The following ACAN variants were observed in gnomAD, a reference collection of about 807,000 sequenced individuals.
The protein encoded by ACAN is aggrecan core protein.
ACAN carries 47 observed loss-of-function variants against 169.1 expected under a neutral mutation model. The observed-to-expected ratio is 0.28, with a 90% confidence interval of 0.22 to 0.35. ACAN has a LOEUF of 0.35. Among genes scored for constraint, ACAN ranks in the 10% least tolerant of loss-of-function variants. The pLI is 1.00. For missense variants in ACAN, 2,716 were observed against 2,759.9 expected (o/e 0.98, Z 0.36); for synonymous variants, 1,115 against 1,112.2 (o/e 1.00, Z -0.05).
intron 5 of ACAN, among the ~76,000 whole-genome samples, chr15:88,842,309 C>T (rs1029034076): frequency 6.6e-6 from 1 of 152,172 alleles, no homozygotes; most frequent in Non-Finnish European, 1.5e-5. Flanking sequence ...TCCCAGAGTC[C>T]CTGTGGGCAG....
In ACAN at chr15:88,869,760, G is replaced by C. The variant is rs1351417742; in HGVS notation, c.7060+1431G>C. Among the ~76,000 whole-genome samples, 1 of 152,106 alleles carries C rather than the reference G, an allele frequency of 6.6e-6. No individual in the cohort carries two copies. Among genetic ancestry groups the C allele is most frequent in the Non-Finnish European group, 1.5e-5 (1 of 68,008 alleles). On this transcript the variant is annotated intron_variant, in intron 14 of 18. Coordinates refer to ENST00000560601, the MANE Select transcript of ACAN (RefSeq NM_001369268.1). This position sits in a 1 kb window ranked among gnomAD's most constrained non-coding sequence, Gnocchi z 4.2. ...GGGCCTGGGGGCCCAGCTAAGCAGG[G>C]CTGCATCTCCTCTCCCATTCCAATC... is the stretch of plus-strand genomic sequence containing the variant.
rs181541436 is a variant in ACAN, at chr15:88,858,445, G to T, written c.5860G>T (p.Ala1954Ser). The T allele has an allele frequency of 6.2e-7, 1 of 1,613,676 alleles. No individual in the cohort carries two copies. The highest frequency in any genetic ancestry group is 8.5e-7 in the Non-Finnish European group (1 of 1,179,894). ...SVTQAPTAQE[A>S]GEGPSGILEL... ...AACCCAGGCTCCAACAGCCCAAGAG[G>T]CAGGAGAAGGGCCTTCTGGCATTTT... Residue 1954 changes from alanine (A) to serine (S), a missense_variant, in exon 12 of 19, where the codon GCA (alanine) becomes TCA (serine). Physicochemically the swap from Ala to Ser is moderately conservative, Grantham distance 99. This residue lies in a region of ACAN where 1,389 missense variants were observed against 1,363.7 expected (regional missense o/e 1.02). Coordinates refer to ENST00000560601, the MANE Select transcript of ACAN (RefSeq NM_001369268.1). This position sits in a 1 kb window ranked among gnomAD's most constrained non-coding sequence, Gnocchi z 4.0.
At chr15:88,854,414 G>C (rs1336552798) in intron 11 of ACAN, among the ~76,000 whole-genome samples, 1 of 152,218 alleles carries the variant, frequency 6.6e-6, no homozygotes, top group African/African-American at 2.4e-5. Flanking sequence ...TCCAAGCTTT[G>C]AAAACCATGG....
At chr15:88,816,513 A>C (rs1470971673) in intron 1 of ACAN, among the ~76,000 whole-genome samples, 1 of 152,210 alleles carries the variant, frequency 6.6e-6, no homozygotes, top group Non-Finnish European at 1.5e-5. Context: ...CTTCACACTG[A>C]AGCAGCAGAA....
rs1159480740 is a variant in ACAN, at chr15:88,870,796, G to T, written c.7061-586G>T. ...GACCCCTGCAAGAGGCAGGCACAGT[G>T]TGCTTAACTAAAGCCAACTCTGATC... On this transcript the variant is annotated intron_variant, in intron 14 of 18. Coordinates refer to ENST00000560601, the MANE Select transcript of ACAN (RefSeq NM_001369268.1). This position sits in a 1 kb window ranked among gnomAD's most constrained non-coding sequence, Gnocchi z 6.3. 6.6e-6 allele frequency among the ~76,000 whole-genome samples: 1 copy of T among 152,236 alleles called. No individual in the cohort carries two copies. Among genetic ancestry groups the T allele is most frequent in the South Asian group, 2.1e-4 (1 of 4,822 alleles).
intron 5 of ACAN, 50 bp downstream of exon 5, chr15:88,841,917 C>G (rs762291493): frequency 1.9e-6 from 3 of 1,609,332 alleles, no homozygotes; most frequent in Non-Finnish European, 2.5e-6. Flanking sequence ...CCCAAGGCCA[C>G]CTTCCCCTCC....
intron 13 of ACAN, among the ~76,000 whole-genome samples, chr15:88,867,561 A>G (rs1322682028): frequency 6.6e-6 from 1 of 152,208 alleles, no homozygotes; most frequent in Non-Finnish European, 1.5e-5. Flanking sequence ...AGAAAGATTC[A>G]GGCTTCATTT....
chr15:88,826,471 G>A (rs760836232), intron 1 of ACAN, among the ~76,000 whole-genome samples: 3 of 59,820 alleles, frequency 5.0e-5, no homozygotes, highest in Non-Finnish European at 9.4e-5. Flanking sequence ...CTTTGCAGGG[G>A]ACCCCTGGAG....
intron 1 of ACAN, among the ~76,000 whole-genome samples, chr15:88,810,351 TG>T (rs1452245466): frequency 3.3e-5 from 5 of 151,328 alleles, no homozygotes; most frequent in Admixed American, 2.6e-4. Context: ...GGGCTAATTT[TG>T]GGGGGAAAAA....
chr15:88,816,006 G>C (rs1280830192), intron 1 of ACAN, among the ~76,000 whole-genome samples: 1 of 152,172 alleles, frequency 6.6e-6, no homozygotes, highest in Non-Finnish European at 1.5e-5. Context: ...TCTGGTGGCA[G>C]CTGTCAATCT....
chr15:88,825,499 G>T (rs1323137129), intron 1 of ACAN, among the ~76,000 whole-genome samples: 1 of 152,144 alleles, frequency 6.6e-6, no homozygotes, highest in Non-Finnish European at 1.5e-5. Flanking sequence ...ATGAATTCAG[G>T]TTGTGTTCTT....
Position 88,873,171 on chromosome 15 carries a change from G to T in ACAN, c.7447+146G>T. Reference sequence around the variant, plus strand: ...CTTGTCCAAAAGGCAGACTGGAGCTGACCTAGGGGTCCCTCCTAGCACCGG... The same window carrying T: ...CTTGTCCAAAAGGCAGACTGGAGCTTACCTAGGGGTCCCTCCTAGCACCGG... On this transcript the variant is annotated intron_variant, in intron 17 of 18. Coordinates refer to ENST00000560601, the MANE Select transcript of ACAN (RefSeq NM_001369268.1). This position sits in a 1 kb window ranked among gnomAD's most constrained non-coding sequence, Gnocchi z 7.5. The T allele has an allele frequency of 8.7e-7, 1 of 1,147,394 alleles. No homozygotes were observed. The highest frequency in any genetic ancestry group is 2.6e-5 in the East Asian group (1 of 38,430). 71.1% of individuals were successfully genotyped at this position (1,147,394 alleles called of 1,614,324 possible).
intron 1 of ACAN, among the ~76,000 whole-genome samples, chr15:88,815,656 T>TA (rs58267198): frequency 0.12 from 6,586 of 54,294 alleles, 336 homozygotes; most frequent in African/African-American, 0.19. Flanking sequence ...CTGCACTGAT[T>TA]AAAAAAAAAA....
rs1266883825 is a variant in ACAN, at chr15:88,843,541, G to A, written c.944G>A (p.Arg315Gln). The A allele has an allele frequency of 3.1e-6, 5 of 1,612,656 alleles. No homozygotes were observed. Among genetic ancestry groups the A allele is most frequent in the Non-Finnish European group, 4.2e-6 (5 of 1,179,688 alleles). ...GTGCGCTACCCCATCTCCAAGGCCC[G>A]GCCCAACTGCGGTGGCAACCTCCTG... is the stretch of plus-strand genomic sequence containing the variant. ...RSVRYPISKA[R>Q]PNCGGNLLGV... The change falls in exon 6 of 19, where the codon CGG becomes CAG. Residue 315 changes from arginine to glutamine, a missense_variant. Physicochemically the swap from Arg to Gln is conservative, Grantham distance 43. Around this residue, in one of 3 missense-constraint regions of ACAN, gnomAD observed 1,283 missense variants for 1,281.5 expected, o/e 1.00. Coordinates refer to ENST00000560601, the MANE Select transcript of ACAN (RefSeq NM_001369268.1). This position sits in a 1 kb window ranked among gnomAD's most constrained non-coding sequence, Gnocchi z 4.0.
chr15:88,818,727 A>G lies in ACAN; in HGVS notation c.-8+14918A>G, dbSNP rs369307290. Among the ~76,000 whole-genome samples the G allele has an allele frequency of 6.6e-5, 10 of 152,122 alleles. 1 individual carries two copies. Among genetic ancestry groups the G allele is most frequent in the African/African-American group, 2.2e-4 (9 of 41,422 alleles). Reference sequence around the variant, plus strand: ...TATGGTGCCTTCCTCCAAGATTTTCAAGGGGAATTTTGATCGTACCTGGTT... The same window carrying G: ...TATGGTGCCTTCCTCCAAGATTTTCGAGGGGAATTTTGATCGTACCTGGTT... On this transcript the variant is annotated intron_variant, in intron 1 of 18. Coordinates refer to ENST00000560601, the MANE Select transcript of ACAN (RefSeq NM_001369268.1).
rs539179636 is a variant in ACAN at position 88,814,672 on chromosome 15, C to A, written c.-8+10863C>A. On this transcript the variant is annotated intron_variant, in intron 1 of 18. Transcript: ENST00000560601. This position sits in a 1 kb window ranked among gnomAD's most constrained non-coding sequence, Gnocchi z 4.0. ...CTCCTCGAGTTGTGCCAGTGTGCAG[C>A]CTTTGCAATTGATTGTACCCGACTC... Among the ~76,000 whole-genome samples the A allele has an allele frequency of 5.0e-4, 76 of 152,340 alleles. No individual in the cohort carries two copies. The highest frequency in any genetic ancestry group is 9.0e-4 in the Non-Finnish European group (61 of 68,038).
At chr15:88,862,474 C>G (rs1468694277) in intron 13 of ACAN, among the ~76,000 whole-genome samples, 1 of 152,200 alleles carries the variant, frequency 6.6e-6, no homozygotes, top group Non-Finnish European at 1.5e-5. Flanking sequence ...CCATCTCTCA[C>G]TCTACTGGCT....
intron 1 of ACAN, among the ~76,000 whole-genome samples, chr15:88,812,391 C>G (rs1273141470): frequency 1.3e-5 from 2 of 152,164 alleles, no homozygotes; most frequent in African/African-American, 4.8e-5. Context: ...TTCCTCTCAG[C>G]CCCCTGGGGA....
chr15:88,872,185 T>TA lies in ACAN; in HGVS notation c.7302+101dup, dbSNP rs924909138. ...TTCAAACCCCATGCAGACAGCCGCT[T>TA]ACCAGCTGCTGGACCGGGAACCCTT... On this transcript the variant is annotated intron_variant, in intron 16 of 18. Transcript: ENST00000560601. This position sits in a 1 kb window ranked among gnomAD's most constrained non-coding sequence, Gnocchi z 5.4. 2.6e-5 allele frequency: 27 copies of TA among 1,023,218 alleles called. No homozygotes were observed. The highest frequency in any genetic ancestry group is 4.2e-4 in the Middle Eastern group (2 of 4,790). The allele number at this position is 1,023,218 out of a possible 1,614,324, so 63.4% of individuals were successfully genotyped here.
Sources: gnomAD v4.1 joint callset for allele counts (sites outside exome capture counted in the v4.1 genomes callset) on GRCh38, gnomAD v4.1.1 for gene constraint, gnomAD v4.1.1 regional missense constraint, Gnocchi (gnomAD v3.1) non-coding constraint, MANE v1.5 for transcripts, NCBI Gene and HGNC (gene_info 2026-07-23, HGNC 2026-07-21) for gene names.